GALR1: variants seen among roughly 807,000 people sequenced by gnomAD.
GALR1 encodes the protein galanin receptor 1, also known as galanin receptor type 1.
GALR1 carries 11 observed loss-of-function variants against 17.9 expected under a neutral mutation model. The observed-to-expected ratio is 0.62, with a 90% confidence interval of 0.39 to 1.02. The LOEUF (loss-of-function observed/expected upper bound fraction) is 1.02. GALR1 is among the 50% of genes least tolerant of loss of function. GALR1 has a pLI of 0.01. For missense variants in GALR1, 441 were observed against 456.9 expected, an observed-to-expected ratio of 0.97 and a Z score of 0.32; for synonymous variants, 206 against 205.7, an observed-to-expected ratio of 1.00 and a Z score of -0.01.
At chr18:77,259,360 G>A (rs1361345950) in intron 2 of GALR1, among the ~76,000 whole-genome samples, 2 of 140,378 alleles carry the variant, frequency 1.4e-5, no homozygotes, top group Admixed American at 7.2e-5. Flanking sequence ...GTGGATGGTG[G>A]TGGTGGTCAC....
Position 77,250,979 on chromosome 18 carries a change from C to T in GALR1, c.431C>T (p.Ser144Phe). ...YVAIVHSRRS[S>F]SLRVSRNALL... is the part of the protein sequence containing the mutation. ...GCCATCGTGCACTCGCGGCGCTCCT[C>T]CTCCCTCAGGGTGTCCCGCAACGCG... The change falls in exon 1 of 3, where the codon TCC (serine) becomes TTC (phenylalanine). Residue 144 changes from serine to phenylalanine, a missense_variant. Physicochemically the swap from Ser to Phe is radical, Grantham distance 155. Transcript: ENST00000299727. 1 of 1,604,372 alleles carries T rather than the reference C, an allele frequency of 6.2e-7. No homozygotes were observed. The highest frequency in any genetic ancestry group is 1.7e-5 in the Admixed American group (1 of 60,022).
chr18:77,267,971 G>C (rs1462867321), intron 2 of GALR1, among the ~76,000 whole-genome samples: 1 of 152,176 alleles, frequency 6.6e-6, no homozygotes, highest in Non-Finnish European at 1.5e-5. Context: ...CCCTGCCTCT[G>C]ATTTCTAAGT....
rs923390851 is a variant in GALR1 at position 77,271,870 on chromosome 18, C to T, written c.*2968C>T. 5 of 152,202 alleles carry T rather than the reference C, an allele frequency of 3.3e-5. No homozygotes were observed. The highest frequency in any genetic ancestry group is 5.9e-5 in the Non-Finnish European group (4 of 68,048). The allele number at this position is 152,202 out of a possible 1,614,324, so 9.4% of individuals were successfully genotyped here. ...CATAAGCAACCATTTCAGTGTCCTG[C>T]TGATGAATACAGTGATGTGGATGGA... is the stretch of plus-strand genomic sequence containing the variant. On this transcript the variant is annotated 3_prime_UTR_variant, in exon 3 of 3. Coordinates refer to ENST00000299727, the MANE Select transcript of GALR1 (RefSeq NM_001480.4).
chr18:77,276,161 G>T lies in GALR1; in HGVS notation c.*7259G>T, dbSNP rs775811235. The stretch of plus-strand genomic sequence containing the variant: ...ATATAGCACAAAATTTGACAATGAG[G>T]TATAGAAATCCAAAATTTTCTTGGG... On this transcript the variant is annotated 3_prime_UTR_variant, in exon 3 of 3. Coordinates refer to ENST00000299727, the MANE Select transcript of GALR1 (RefSeq NM_001480.4). 6.6e-5 allele frequency: 10 copies of T among 152,270 alleles called. No homozygotes were observed. The highest frequency in any genetic ancestry group is 1.3e-4 in the Admixed American group (2 of 15,290). The allele number at this position is 152,270 out of a possible 1,614,324, so 9.4% of individuals were successfully genotyped here.
intron 1 of GALR1, among the ~76,000 whole-genome samples, chr18:77,253,228 CTATTTTATTATTTACCCG>C (rs1912512422): frequency 6.6e-6 from 1 of 152,052 alleles, no homozygotes; most frequent in Non-Finnish European, 1.5e-5. Context: ...TGGCTTGGAG[CTATTTTATTATTTACCCG>C]TATTTTATTA....
At position 77,250,142 on chromosome 18, in the gene GALR1, G is replaced by C. The variant is rs1912359586; in HGVS notation, c.-407G>C. Among the ~76,000 whole-genome samples, 1 of 152,208 alleles carries C rather than the reference G, an allele frequency of 6.6e-6. No individual in the cohort carries two copies. Among genetic ancestry groups the C allele is most frequent in the African/African-American group, 2.4e-5 (1 of 41,466 alleles). On this transcript the variant is annotated 5_prime_UTR_variant, in exon 1 of 3. Transcript: ENST00000299727. Reference sequence around the variant, plus strand: ...CAGCACGCAGCCCCTCCGGGAGCCAGGGAAAACCGCCGGCGAAGATCTGGA... The same window carrying C: ...CAGCACGCAGCCCCTCCGGGAGCCACGGAAAACCGCCGGCGAAGATCTGGA...
chr18:77,258,833 ATGGTGGTGATGGTGGTGGTGATGG>A lies in GALR1; in HGVS notation c.732+2628_732+2651del, dbSNP rs201087702. Among the ~76,000 whole-genome samples the A allele has an allele frequency of 6.3e-3, 518 of 81,868 alleles. 7 individuals carry two copies. Among genetic ancestry groups the A allele is most frequent in the African/African-American group, 0.028 (489 of 17,752 alleles). The allele number at this position is 81,868 out of a possible 152,430, so 53.7% of individuals were successfully genotyped here. On this transcript the variant is annotated intron_variant, in intron 2 of 2. Coordinates refer to ENST00000299727, the MANE Select transcript of GALR1 (RefSeq NM_001480.4). ...GGTCATAGTGGTGGTGGTGCTGGTG[ATGGTGGTGATGGTGGTGGTGATGG>A]TGGTGGTGATGGTGGTGATGATGGT...
chr18:77,255,501 T>C (rs1568139995), intron 1 of GALR1, among the ~76,000 whole-genome samples: 1 of 152,078 alleles, frequency 6.6e-6, no homozygotes, highest in Non-Finnish European at 1.5e-5. Context: ...GCACAGTGGG[T>C]AGGATTTGAA....
In GALR1 at chr18:77,250,974, C is replaced by T. The variant is rs560128923; in HGVS notation, c.426C>T (p.Arg142=). The T allele has an allele frequency of 2.7e-4, 433 of 1,604,154 alleles. 5 individuals carry two copies. In the South Asian group the frequency reaches 4.4e-3, roughly 16 times the overall value. The change falls in exon 1 of 3, where the codon CGC becomes CGT. Residue 142 remains arginine (R), a synonymous_variant. Transcript: ENST00000299727. ...ACGTGGCCATCGTGCACTCGCGGCG[C>T]TCCTCCTCCCTCAGGGTGTCCCGCA... ...DRYVAIVHSR[R]SSSLRVSRNA... is the part of the protein sequence containing the mutation.
chr18:77,267,461 G>A (rs1912967012), intron 2 of GALR1, among the ~76,000 whole-genome samples: 1 of 152,180 alleles, frequency 6.6e-6, no homozygotes. Context: ...GCTTCATAGA[G>A]TCGTAAAGGA....
At chr18:77,266,331 C>G (rs1448564503) in intron 2 of GALR1, among the ~76,000 whole-genome samples, 5 of 152,290 alleles carry the variant, frequency 3.3e-5, no homozygotes, top group African/African-American at 7.2e-5. Context: ...AGACATTCAA[C>G]AGTTTCTAGG....
At chr18:77,252,929 CCACCACCACCACCACCACCA>C (rs1912478277) in intron 1 of GALR1, among the ~76,000 whole-genome samples, 1 of 34,526 alleles carries the variant, frequency 2.9e-5, no homozygotes. Flanking sequence ...ACCATCACCA[CCACCACCACCACCACCACCA>C]TCACCACCAT....
At position 77,258,254 on chromosome 18, in the gene GALR1, A is replaced by G. The variant is rs147982742; in HGVS notation, c.732+2031A>G. ...CATATGTGCTTACATATATACATAT[A>G]CTAAATATATCTATATAAAATTATC... On this transcript the variant is annotated intron_variant, in intron 2 of 2. Transcript: ENST00000299727. 4.4e-3 allele frequency among the ~76,000 whole-genome samples: 667 copies of G among 152,354 alleles called. 10 individuals carry two copies. The highest frequency in any genetic ancestry group is 0.027 in the Middle Eastern group (8 of 292).
At position 77,273,638 on chromosome 18, in the gene GALR1, A is replaced by G. The variant is rs1255704322; in HGVS notation, c.*4736A>G. 6.6e-6 allele frequency: 1 copy of G among 151,586 alleles called. No individual in the cohort carries two copies. The highest frequency in any genetic ancestry group is 1.5e-5 in the Non-Finnish European group (1 of 67,852). 9.4% of individuals were successfully genotyped at this position (151,586 alleles called of 1,614,324 possible). A position where few individuals can be genotyped will look rare whatever the true frequency, so the allele number is the denominator to read the frequency against. ...CAACAAGAGTGAAACTCTGTCTCAA[A>G]AAAATAAAAATTAAAAAAAAAAAAG... On this transcript the variant is annotated 3_prime_UTR_variant, in exon 3 of 3. Coordinates refer to ENST00000299727, the MANE Select transcript of GALR1 (RefSeq NM_001480.4).
chr18:77,275,956 ATACAC>A lies in GALR1; in HGVS notation c.*7055_*7059del, dbSNP rs1913148965. 4 of 152,226 alleles carry A rather than the reference ATACAC, an allele frequency of 2.6e-5. No individual in the cohort carries two copies. The highest frequency in any genetic ancestry group is 2.9e-5 in the Non-Finnish European group (2 of 68,042). 9.4% of individuals were successfully genotyped at this position (152,226 alleles called of 1,614,324 possible). On this transcript the variant is annotated 3_prime_UTR_variant, in exon 3 of 3. Coordinates refer to ENST00000299727, the MANE Select transcript of GALR1 (RefSeq NM_001480.4). ...CTTTTACATGGTAGACACTGAGTGA[ATACAC>A]AGATTCCTAGATTTGAGATATTTTC... is the stretch of plus-strand genomic sequence containing the variant.
chr18:77,253,252 T>C (rs1019108827), intron 1 of GALR1, among the ~76,000 whole-genome samples: 2 of 152,190 alleles, frequency 1.3e-5, no homozygotes, highest in East Asian at 3.9e-4. Flanking sequence ...ACCCGTATTT[T>C]ATTATTTAAG....
At position 77,269,059 on chromosome 18, in the gene GALR1, C is replaced by A; in HGVS notation, c.*157C>A. The stretch of plus-strand genomic sequence containing the variant: ...CACGTGTGTTAAAAAGTACTTTGAT[C>A]CATTTAGGAAATTCCTAGGTCTAGT... On this transcript the variant is annotated 3_prime_UTR_variant, in exon 3 of 3. Coordinates refer to ENST00000299727, the MANE Select transcript of GALR1 (RefSeq NM_001480.4). 2 of 618,702 alleles carry A rather than the reference C, an allele frequency of 3.2e-6. No homozygotes were observed. Among genetic ancestry groups the A allele is most frequent in the East Asian group, 5.6e-5 (2 of 35,840 alleles). 38.3% of individuals were successfully genotyped at this position (618,702 alleles called of 1,614,324 possible).
At chr18:77,259,043 TCATGG>T (rs1568141856) in intron 2 of GALR1, among the ~76,000 whole-genome samples, 1 of 11,004 alleles carries the variant, frequency 9.1e-5, no homozygotes, top group African/African-American at 1.5e-4. Context: ...GTCATGATGG[TCATGG>T]TGGTGATGAT....
chr18:77,256,505 GCA>G (rs71828959), intron 2 of GALR1, among the ~76,000 whole-genome samples: 74,378 of 151,038 alleles, frequency 0.49, 18,654 homozygotes, highest in East Asian at 0.77. Flanking sequence ...GGAGGTGAGT[GCA>G]CTTAGGTTGA....
Sources: allele counts gnomAD v4.1 joint callset (sites outside exome capture counted in the v4.1 genomes callset), GRCh38; gene constraint gnomAD v4.1.1; transcripts MANE v1.5; gene names NCBI Gene and HGNC (gene_info 2026-07-23, HGNC 2026-07-21).